VPS13B: variants seen among roughly 807,000 people sequenced by gnomAD.
The protein encoded by VPS13B is vacuolar protein sorting 13 homolog B, also known as intermembrane lipid transfer protein VPS13B.
VPS13B carries 285 observed loss-of-function variants against 426.4 expected under a neutral mutation model. The ratio of observed to expected loss-of-function variants is 0.67; its 90% CI spans 0.61 to 0.74. The LOEUF (loss-of-function observed/expected upper bound fraction) is 0.74, where lower values mean the gene tolerates loss of function less well. Ranked by LOEUF, VPS13B falls within the 30% of genes least tolerant of loss-of-function variation. The probability of loss-of-function intolerance (pLI) is 0.00; values close to 1 mark genes in which losing one functional copy is unlikely to be tolerated. For missense variants in VPS13B, 4,537 were observed against 4,782.6 expected, an observed-to-expected ratio of 0.95 and a Z score of 1.51; for synonymous variants, 1,676 against 1,676.4, an observed-to-expected ratio of 1.00 and a Z score of 0.01.
chr8:99,532,939 T>TG (rs1219806447), intron 30 of VPS13B, among the ~76,000 whole-genome samples: 2 of 146,706 alleles, frequency 1.4e-5, no homozygotes, highest in African/African-American at 5.1e-5. Flanking sequence ...CACTGAGGGG[T>TG]GTTTTTTTTT....
intron 19 of VPS13B, among the ~76,000 whole-genome samples, chr8:99,360,055 G>A (rs555593810): frequency 2.0e-5 from 3 of 149,858 alleles, no homozygotes; most frequent in Admixed American, 6.6e-5. Flanking sequence ...TGCCCACCTC[G>A]GCCTCCCAAA....
chr8:99,733,605 A>G (rs1404098391), intron 39 of VPS13B, among the ~76,000 whole-genome samples: 1 of 152,190 alleles, frequency 6.6e-6, no homozygotes, highest in African/African-American at 2.4e-5. Context: ...TAGATTTTGA[A>G]TCTTGGAGGA....
At chr8:99,860,836 A>G (rs901716737) in intron 57 of VPS13B, among the ~76,000 whole-genome samples, 3 of 152,224 alleles carry the variant, frequency 2.0e-5, no homozygotes, top group African/African-American at 2.4e-5. Context: ...GGAAAACCAG[A>G]CAGATTCACG....
chr8:99,612,419 C>T (rs1351078595), intron 33 of VPS13B, among the ~76,000 whole-genome samples: 2 of 152,160 alleles, frequency 1.3e-5, no homozygotes, highest in Non-Finnish European at 2.9e-5. Context: ...GAGTGTATTT[C>T]CAGCCATGTG....
chr8:99,059,087 A>G (rs1447757310), intron 3 of VPS13B, among the ~76,000 whole-genome samples: 2 of 152,208 alleles, frequency 1.3e-5, no homozygotes, highest in Non-Finnish European at 2.9e-5. Context: ...ACTGTACTGA[A>G]TGCTATGGAT....
At chr8:99,205,030 A>T (rs753411046) in intron 17 of VPS13B, among the ~76,000 whole-genome samples, 4 of 152,234 alleles carry the variant, frequency 2.6e-5, no homozygotes, top group Non-Finnish European at 5.9e-5. Context: ...ATTATAAATC[A>T]TTCTACATAA....
At chr8:99,244,026 AGGCCCTGTATG>A (rs1817072902) in intron 17 of VPS13B, among the ~76,000 whole-genome samples, 3 of 152,246 alleles carry the variant, frequency 2.0e-5, no homozygotes, top group Non-Finnish European at 2.9e-5. Flanking sequence ...AACAGATTGC[AGGCCCTGTATG>A]GGCCAGACAA....
At chr8:99,488,144 A>T (rs1820406224) in intron 25 of VPS13B, among the ~76,000 whole-genome samples, 1 of 152,096 alleles carries the variant, frequency 6.6e-6, no homozygotes, top group African/African-American at 2.4e-5. Flanking sequence ...TTCGGTGCTG[A>T]TTTTCTGATT....
intron 19 of VPS13B, among the ~76,000 whole-genome samples, chr8:99,294,710 C>A (rs1346925583): frequency 6.6e-6 from 1 of 152,124 alleles, no homozygotes; most frequent in African/African-American, 2.4e-5. Flanking sequence ...ATCACTTGAG[C>A]TCAATTTGAT....
chr8:99,754,553 C>G (rs1810547748), intron 39 of VPS13B, among the ~76,000 whole-genome samples: 1 of 152,174 alleles, frequency 6.6e-6, no homozygotes, highest in Admixed American at 6.5e-5. Context: ...TTATCCCTAT[C>G]TCTAGATAAG....
intron 3 of VPS13B, among the ~76,000 whole-genome samples, chr8:99,077,880 T>C (rs919802325): frequency 6.6e-6 from 1 of 152,150 alleles, no homozygotes; most frequent in Non-Finnish European, 1.5e-5. Flanking sequence ...TTTTCTAAAA[T>C]CTAGTTAGAT....
chr8:99,572,084 A>C (rs1322526148), intron 31 of VPS13B, among the ~76,000 whole-genome samples: 1 of 152,198 alleles, frequency 6.6e-6, no homozygotes, highest in East Asian at 1.9e-4. Flanking sequence ...TTATCATTTT[A>C]TGATATAAGG....
rs1276369178 is a variant in VPS13B at position 99,497,295 on chromosome 8, C to T, written c.3871-4392C>T. Among the ~76,000 whole-genome samples the T allele has an allele frequency of 3.0e-5, 4 of 135,308 alleles. No individual in the cohort carries two copies. In the East Asian group the frequency reaches 7.3e-4, roughly 25 times the overall value. The allele number at this position is 135,308 out of a possible 152,430, so 88.8% of individuals were successfully genotyped here. ...ATATATTTATATATACATAAAAATGCATATATACATAAAATAATATGTATA... is the reference window on the plus strand; with the variant it reads ...ATATATTTATATATACATAAAAATGTATATATACATAAAATAATATGTATA... On this transcript the variant is annotated intron_variant, in intron 25 of 61. Transcript: ENST00000357162.
chr8:99,243,922 A>G (rs1203529004), intron 17 of VPS13B, among the ~76,000 whole-genome samples: 2 of 152,232 alleles, frequency 1.3e-5, no homozygotes. Flanking sequence ...CAGAATCTTT[A>G]GCTTATAGAC....
intron 21 of VPS13B, among the ~76,000 whole-genome samples, chr8:99,429,284 CAAAAAA>C (rs200181502): frequency 9.1e-6 from 1 of 109,372 alleles, no homozygotes; most frequent in African/African-American, 3.2e-5. Flanking sequence ...GTATAATAAC[CAAAAAA>C]AAAAAAAAGA....
chr8:99,797,572 A>G (rs1467279071), intron 43 of VPS13B, among the ~76,000 whole-genome samples: 5 of 152,188 alleles, frequency 3.3e-5, no homozygotes, highest in Non-Finnish European at 7.3e-5. Context: ...ATGCCTCAAT[A>G]TACTGTCAAT....
chr8:99,667,298 C>CAT (rs3074047), intron 35 of VPS13B, among the ~76,000 whole-genome samples: 28,955 of 152,004 alleles, frequency 0.19, 3,293 homozygotes, highest in East Asian at 0.45. Flanking sequence ...AAAAATTATA[C>CAT]ATGACTTATC....
chr8:99,235,839 A>G (rs528431438), intron 17 of VPS13B, among the ~76,000 whole-genome samples: 5 of 152,338 alleles, frequency 3.3e-5, no homozygotes, highest in Admixed American at 3.3e-4. Flanking sequence ...ATTAGAGATA[A>G]TAGAGACATA....
At chr8:99,869,454 G>A (rs1183909392) in intron 59 of VPS13B, among the ~76,000 whole-genome samples, 1 of 152,178 alleles carries the variant, frequency 6.6e-6, no homozygotes, top group African/African-American at 2.4e-5. Flanking sequence ...GCCATCCGGA[G>A]AGCATCCTTA....
Sources: gnomAD v4.1 joint callset for allele counts (sites outside exome capture counted in the v4.1 genomes callset) on GRCh38, gnomAD v4.1.1 for gene constraint, MANE v1.5 for transcripts, NCBI Gene and HGNC (gene_info 2026-07-23, HGNC 2026-07-21) for gene names.